SUN3: variants seen among roughly 807,000 people sequenced by gnomAD.
The protein encoded by SUN3 is Sad1 and UNC84 domain containing 3.
SUN3 carries 36 observed loss-of-function variants against 48.2 expected under a neutral mutation model. The observed-to-expected ratio is 0.75, with a 90% CI of 0.57 to 0.99. The LOEUF is 0.99. Among genes scored for constraint, SUN3 ranks in the 50% least tolerant of loss-of-function variants. The pLI, the probability that SUN3 is intolerant of heterozygous loss-of-function variation, is 0.00. For missense variants in SUN3, 419 were observed against 433.1 expected, an observed-to-expected ratio of 0.97 and a Z score of 0.29; for synonymous variants, 148 against 147.9, an observed-to-expected ratio of 1.00 and a Z score of 0.00.
At position 47,996,146 on chromosome 7, in the gene SUN3, C is replaced by A. The variant is rs1356804605; in HGVS notation, c.578G>T (p.Gly193Val). 6.6e-7 allele frequency: 1 copy of A among 1,506,934 alleles called. No individual in the cohort carries two copies. The highest frequency in any genetic ancestry group is 1.4e-5 in the African/African-American group (1 of 70,292). 93.3% of individuals were successfully genotyped at this position (1,506,934 alleles called of 1,614,324 possible). ...GGTCCCAGCTTCAATGATGGAGGCT[C>A]CTAAAATTATAAAGTAAGTTGTAAA... ...EMADYALKSA[G>V]ASIIEAGTSE... The change falls in exon 7 of 10, where the codon GGA becomes GTA. Residue 193 changes from glycine (G) to valine (V), a missense_variant and splice_region_variant. Coordinates refer to ENST00000297325, the MANE Select transcript of SUN3 (RefSeq NM_001030019.2).
intron 5 of SUN3, 50 bp downstream of exon 5, chr7:48,007,115 G>A (rs754397235): frequency 3.9e-5 from 61 of 1,563,630 alleles, no homozygotes; most frequent in South Asian, 2.9e-4. Context: ...CTGGACATCC[G>A]CGCTAACCAC....
rs546646586 is a variant in SUN3 at position 48,008,096 on chromosome 7, T to C, written c.330-769A>G. 1.7e-3 allele frequency among the ~76,000 whole-genome samples: 262 copies of C among 152,324 alleles called. 1 individual carries two copies. Among genetic ancestry groups the C allele is most frequent in the African/African-American group, 6.0e-3 (248 of 41,570 alleles). Reference sequence around the variant, plus strand: ...GCCTCGGCCACCCAAAGTGCTGGGATTACAGGCGTGAGCCACCACGCCCGG... The same window carrying C: ...GCCTCGGCCACCCAAAGTGCTGGGACTACAGGCGTGAGCCACCACGCCCGG... On this transcript the variant is annotated intron_variant, in intron 4 of 9. Coordinates refer to ENST00000297325, the MANE Select transcript of SUN3 (RefSeq NM_001030019.2).
intron 8 of SUN3, among the ~76,000 whole-genome samples, chr7:47,989,578 A>G (rs548322342): frequency 6.4e-4 from 97 of 152,338 alleles, no homozygotes; most frequent in African/African-American, 2.2e-3. Flanking sequence ...TACATTCATT[A>G]AATCATTTTA....
chr7:47,997,597 C>A (rs1021660926), intron 6 of SUN3, among the ~76,000 whole-genome samples: 13 of 152,158 alleles, frequency 8.5e-5, no homozygotes, highest in African/African-American at 3.1e-4. Context: ...ACATCCTATA[C>A]AATTCACTCA....
At chr7:48,021,319 A>G (rs1290669709) in intron 2 of SUN3, among the ~76,000 whole-genome samples, 1 of 152,120 alleles carries the variant, frequency 6.6e-6, no homozygotes, top group African/African-American at 2.4e-5. Flanking sequence ...ATAAGAAAAC[A>G]TTGGGGGACA....
At chr7:47,994,270 C>A in intron 8 of SUN3, 45 bp downstream of exon 8, 1 of 1,603,792 alleles carries the variant, frequency 6.2e-7, no homozygotes, top group Admixed American at 1.7e-5. Context: ...AGCCAACCAC[C>A]TTCTATCAGG....
At chr7:48,008,995 C>T (rs760189738) in intron 4 of SUN3, 40 bp downstream of exon 4, 1 of 1,592,422 alleles carries the variant, frequency 6.3e-7, no homozygotes, top group African/African-American at 1.4e-5. Context: ...GTATTTGAAA[C>T]CACACCAAAA....
At chr7:48,031,085 T>G (rs1027117698), upstream of SUN3, among the ~76,000 whole-genome samples, 2 of 152,240 alleles carry the variant, frequency 1.3e-5, no homozygotes, top group African/African-American at 4.8e-5. Context: ...GACAATGACT[T>G]TTTAAATATG....
chr7:48,007,353 G>A (rs781287594), intron 4 of SUN3, 26 bp from the exon 5 acceptor site: 30 of 1,605,652 alleles, frequency 1.9e-5, no homozygotes, highest in Non-Finnish European at 2.3e-5. Flanking sequence ...CTCAGCATGA[G>A]AGGAAGAAAG....
chr7:48,015,872 T>C (rs1789797635), intron 3 of SUN3, among the ~76,000 whole-genome samples: 1 of 152,192 alleles, frequency 6.6e-6, no homozygotes, highest in South Asian at 2.1e-4. Flanking sequence ...CAGTTCATGG[T>C]TTGACTCTGA....
chr7:48,025,327 T>A (rs1915966), intron 2 of SUN3, among the ~76,000 whole-genome samples: 50,808 of 152,044 alleles, frequency 0.33, 9,521 homozygotes, highest in Middle Eastern at 0.53. Context: ...TGCTATATGA[T>A]CTTTTTTGTA....
chr7:48,026,583 C>T (rs1338837094), intron 1 of SUN3, among the ~76,000 whole-genome samples: 2 of 53,232 alleles, frequency 3.8e-5, no homozygotes, highest in South Asian at 5.1e-4. Context: ...CACCCCCCAA[C>T]ACACACACAC....
chr7:48,009,191 C>T, intron 3 of SUN3, 116 bp from the exon 4 acceptor site: 2 of 963,066 alleles, frequency 2.1e-6, no homozygotes, highest in Non-Finnish European at 3.1e-6. Flanking sequence ...TACAGATGTG[C>T]TGGCTGGAAC....
At chr7:48,030,790 G>A (rs146305629), upstream of SUN3, among the ~76,000 whole-genome samples, 675 of 152,246 alleles carry the variant, frequency 4.4e-3, 5 homozygotes, top group Non-Finnish European at 7.9e-3. Flanking sequence ...AGGAACTTCT[G>A]GGTCAAAGTC....
chr7:47,992,701 AAAAG>A (rs1452151247), intron 8 of SUN3, among the ~76,000 whole-genome samples: 1 of 152,190 alleles, frequency 6.6e-6, no homozygotes, highest in African/African-American at 2.4e-5. Flanking sequence ...TGGGAAAAAA[AAAAG>A]AAAATAAATG....
At chr7:48,021,591 T>C in intron 2 of SUN3, among the ~76,000 whole-genome samples, 1 of 146,940 alleles carries the variant, frequency 6.8e-6, no homozygotes, top group East Asian at 2.0e-4. Flanking sequence ...CTAAATAATC[T>C]GATAAAAAAA....
chr7:48,029,107 T>C lies in SUN3; in HGVS notation c.-169A>G. ...TGAAGACGGAATTTTGAAAAGCTTC[T>C]GATTCTTCTGTTGCATCATCCTCCG... On this transcript the variant is annotated 5_prime_UTR_variant, in exon 1 of 10. Coordinates refer to ENST00000297325, the MANE Select transcript of SUN3 (RefSeq NM_001030019.2). 1.1e-6 allele frequency: 1 copy of C among 950,940 alleles called. No homozygotes were observed. The highest frequency in any genetic ancestry group is 1.6e-5 in the South Asian group (1 of 60,886). The allele number at this position is 950,940 out of a possible 1,614,324, so 58.9% of individuals were successfully genotyped here.
chr7:47,995,849 C>G (rs13230023), intron 7 of SUN3, among the ~76,000 whole-genome samples, 182 bp downstream of exon 7: 1 of 151,890 alleles, frequency 6.6e-6, no homozygotes, highest in African/African-American at 2.4e-5. Flanking sequence ...AGTTTACTGA[C>G]CATAAAATAA....
At chr7:48,014,748 C>T (rs1252885625) in intron 3 of SUN3, among the ~76,000 whole-genome samples, 1 of 152,092 alleles carries the variant, frequency 6.6e-6, no homozygotes, top group Non-Finnish European at 1.5e-5. Context: ...TGGAACCAAG[C>T]CAATGTATAT....
Sources: allele counts gnomAD v4.1 joint callset (sites outside exome capture counted in the v4.1 genomes callset), GRCh38; gene constraint gnomAD v4.1.1; transcripts MANE v1.5; gene names NCBI Gene and HGNC (gene_info 2026-07-23, HGNC 2026-07-21).